The following UGT1A7 variants were observed in gnomAD, a reference collection of about 807,000 sequenced individuals.
UGT1A7 encodes the protein UDP glucuronosyltransferase family 1 member A7.
UGT1A7 carries 33 observed loss-of-function variants against 45.6 expected under a neutral mutation model. The observed-to-expected ratio is 0.72, with a 90% CI of 0.55 to 0.97. The LOEUF (loss-of-function observed/expected upper bound fraction) is 0.97. UGT1A7 is among the 50% of genes least tolerant of loss of function. The pLI is 0.00. For synonymous variants in UGT1A7, 274 were observed against 250.6 expected (o/e 1.09, Z -0.88); for missense variants, 684 against 666.2 (o/e 1.03, Z -0.29).
At chr2:233,701,311 G>A (rs2075622392) in intron 1 of UGT1A7, among the ~76,000 whole-genome samples, 1 of 152,048 alleles carries the variant, frequency 6.6e-6, no homozygotes, top group African/African-American at 2.4e-5. Context: ...TTCCACAATG[G>A]TTGAACTAGT....
chr2:233,729,069 G>A (rs983244934), intron 1 of UGT1A7: 166 of 1,611,318 alleles, frequency 1.0e-4, no homozygotes, highest in Non-Finnish European at 1.2e-4. Flanking sequence ...GATGAAGAAA[G>A]CAAATGTAGC....
At chr2:233,750,245 C>A (rs1694403636) in intron 1 of UGT1A7, among the ~76,000 whole-genome samples, 1 of 151,900 alleles carries the variant, frequency 6.6e-6, no homozygotes, top group South Asian at 2.1e-4. Context: ...GGAACTGGAA[C>A]AAAGGTCACC....
At chr2:233,690,915 CATTTCTTCAGCTCCTT>C in intron 1 of UGT1A7, 2 of 1,022,090 alleles carry the variant, frequency 2.0e-6, no homozygotes, top group Non-Finnish European at 1.2e-6. Context: ...ATGTTAGTTT[CATTTCTTCAGCTCCTT>C]CCTCCAACTC....
intron 1 of UGT1A7, among the ~76,000 whole-genome samples, chr2:233,708,913 C>T (rs1033792363): frequency 6.6e-6 from 1 of 152,118 alleles, no homozygotes; most frequent in African/African-American, 2.4e-5. Context: ...TTAGGTATTG[C>T]TTGCTACAGA....
At chr2:233,755,082 T>C (rs971081603) in intron 1 of UGT1A7, 16 of 1,336,710 alleles carry the variant, frequency 1.2e-5, no homozygotes, top group Middle Eastern at 2.1e-4. Context: ...GTCATAGATA[T>C]CGCGTTTCTA....
chr2:233,693,782 G>C lies in UGT1A7; in HGVS notation c.855+10990G>C. 1.9e-6 allele frequency: 3 copies of C among 1,614,196 alleles called. No individual in the cohort carries two copies. The East Asian group carries it at 6.7e-5, about 36-fold the overall frequency. ...TGTTTGGCTGTTAAGATATGACTTT[G>C]TGCTTGAATATCCTAGGCCGGTCAT... is the stretch of plus-strand genomic sequence containing the variant. On this transcript the variant is annotated intron_variant, in intron 1 of 4. Transcript: ENST00000373426.
At chr2:233,713,077 G>A (rs1466431854) in intron 1 of UGT1A7, 1 of 1,614,196 alleles carries the variant, frequency 6.2e-7, no homozygotes, top group South Asian at 1.1e-5. Flanking sequence ...GCTGAGAGTG[G>A]GAAGGTGCTG....
chr2:233,758,873 T>C (rs944299191), intron 1 of UGT1A7, among the ~76,000 whole-genome samples: 1 of 152,218 alleles, frequency 6.6e-6, no homozygotes, highest in Non-Finnish European at 1.5e-5. Context: ...ACTTGCCCCA[T>C]AGTCCATGGT....
chr2:233,721,483 T>C (rs977271860), intron 1 of UGT1A7: 7 of 174,698 alleles, frequency 4.0e-5, no homozygotes, highest in African/African-American at 1.7e-4. Context: ...ATCATTCTTA[T>C]TATTTTAGTT....
In UGT1A7 at chr2:233,737,609, G is replaced by A. The variant is rs563155161; in HGVS notation, c.856-29425G>A. Among the ~76,000 whole-genome samples, 4 of 152,288 alleles carry A rather than the reference G, an allele frequency of 2.6e-5. No individual in the cohort carries two copies. In the East Asian group the frequency reaches 7.7e-4, roughly 29 times the overall value. On this transcript the variant is annotated intron_variant, in intron 1 of 4. Transcript: ENST00000373426. Reference sequence around the variant, plus strand: ...ATGAGATGAACCAGGTACCTCAGTTGGAAATGCAGAAATCATCCATCTTCT... The same window carrying A: ...ATGAGATGAACCAGGTACCTCAGTTAGAAATGCAGAAATCATCCATCTTCT...
rs1430116082 is a variant in UGT1A7 at position 233,769,294 on chromosome 2, T to A, written c.1295+855T>A. ...AGGGCAAATGATTTCTGGATTAAAGTTAGTATATTACTGTCAAGCTCACTG... is the reference window on the plus strand; with the variant it reads ...AGGGCAAATGATTTCTGGATTAAAGATAGTATATTACTGTCAAGCTCACTG... On this transcript the variant is annotated intron_variant, in intron 4 of 4. Coordinates refer to ENST00000373426, the MANE Select transcript of UGT1A7 (RefSeq NM_019077.3). This position sits in a 1 kb window ranked among gnomAD's most constrained non-coding sequence, Gnocchi z 4.4. Among the ~76,000 whole-genome samples, 2 of 152,234 alleles carry A rather than the reference T, an allele frequency of 1.3e-5. No homozygotes were observed. The highest frequency in any genetic ancestry group is 4.8e-5 in the African/African-American group (2 of 41,454).
chr2:233,767,170 G>A lies in UGT1A7; in HGVS notation c.987+5G>A. 1.2e-6 allele frequency: 2 copies of A among 1,614,090 alleles called. No homozygotes were observed. Among genetic ancestry groups the A allele is most frequent in the South Asian group, 1.1e-5 (1 of 91,068 alleles). ...TTGGGCAAAATCCCTCAGACAGTAA[G>A]AAGATTCTATACCATGGCCTCATAT... is the stretch of plus-strand genomic sequence containing the variant. On this transcript the variant is annotated splice_donor_5th_base_variant and intron_variant, in intron 2 of 4. Transcript: ENST00000373426.
At chr2:233,760,719 C>A in intron 1 of UGT1A7, 4 of 1,614,206 alleles carry the variant, frequency 2.5e-6, no homozygotes, top group Non-Finnish European at 3.4e-6. Flanking sequence ...CAGAAAGCAG[C>A]TTTGATGTCA....
At chr2:233,696,082 G>A (rs1487950233) in intron 1 of UGT1A7, among the ~76,000 whole-genome samples, 3 of 152,080 alleles carry the variant, frequency 2.0e-5, no homozygotes, top group Admixed American at 2.0e-4. Flanking sequence ...AGAACAGTAT[G>A]GAGAGTCTTC....
In UGT1A7 at chr2:233,741,465, T is replaced by C. The variant is rs1260988830; in HGVS notation, c.856-25569T>C. The stretch of plus-strand genomic sequence containing the variant: ...ACTACTCAGTGAGTATCTTCACACA[T>C]GTAAGTTCCCTCGTCTGATGTACAA... On this transcript the variant is annotated intron_variant, in intron 1 of 4. Coordinates refer to ENST00000373426, the MANE Select transcript of UGT1A7 (RefSeq NM_019077.3). 6 of 151,930 alleles carry C rather than the reference T, an allele frequency of 3.9e-5. 1 individual carries two copies. Among genetic ancestry groups the C allele is most frequent in the African/African-American group, 1.2e-4 (5 of 41,162 alleles). 9.4% of individuals were successfully genotyped at this position (151,930 alleles called of 1,614,324 possible).
chr2:233,741,996 A>ATACACT (rs904144807), intron 1 of UGT1A7: 1 of 151,922 alleles, frequency 6.6e-6, no homozygotes, highest in African/African-American at 2.4e-5. Flanking sequence ...AATATTACAG[A>ATACACT]TACACTTGGC....
At chr2:233,705,460 C>T (rs1045270048) in intron 1 of UGT1A7, among the ~76,000 whole-genome samples, 5 of 152,132 alleles carry the variant, frequency 3.3e-5, no homozygotes, top group Non-Finnish European at 5.9e-5. Flanking sequence ...TATTTTTTAG[C>T]AGACACACAT....
chr2:233,755,082 T>A (rs971081603), intron 1 of UGT1A7: 2 of 1,336,596 alleles, frequency 1.5e-6, no homozygotes, highest in South Asian at 2.3e-5. Flanking sequence ...GTCATAGATA[T>A]CGCGTTTCTA....
chr2:233,719,218 A>G, intron 1 of UGT1A7: 2 of 1,614,250 alleles, frequency 1.2e-6, no homozygotes, highest in Non-Finnish European at 1.7e-6. Context: ...GAGCTACTGC[A>G]TAATGAGGCC....
Sources: allele counts gnomAD v4.1 joint callset (sites outside exome capture counted in the v4.1 genomes callset), GRCh38; gene constraint gnomAD v4.1.1; non-coding constraint Gnocchi (gnomAD v3.1); transcripts MANE v1.5; gene names NCBI Gene and HGNC (gene_info 2026-07-23, HGNC 2026-07-21).